Variants in CNTN6 observed in about 807,000 individuals in gnomAD.
CNTN6 encodes the protein contactin 6, also known as contactin-6.
Under a neutral mutation model 122.8 loss-of-function variants are expected in CNTN6, and 137 were observed. The observed-to-expected ratio is 1.12, with a 90% CI of 0.97 to 1.29. The LOEUF (loss-of-function observed/expected upper bound fraction) is 1.29. CNTN6 is among the 50% of genes most tolerant of loss of function. CNTN6 has a pLI of 0.00. For synonymous variants in CNTN6, 570 were observed against 426.0 expected (o/e 1.34, Z -4.16); for missense variants, 1,634 against 1,223.4 (o/e 1.34, Z -5.01).
At chr3:1,215,596 A>G (rs1286999464) in intron 2 of CNTN6, among the ~76,000 whole-genome samples, 1 of 152,118 alleles carries the variant, frequency 6.6e-6, no homozygotes, top group African/African-American at 2.4e-5. Context: ...CTTATTCTAT[A>G]GCATAAAACT....
intron 11 of CNTN6, among the ~76,000 whole-genome samples, chr3:1,343,718 A>C (rs155224): frequency 0.16 from 24,785 of 151,740 alleles, 2,133 homozygotes; most frequent in Middle Eastern, 0.22. Context: ...CTCTCTCTCT[A>C]TATATATATA....
intron 2 of CNTN6, among the ~76,000 whole-genome samples, chr3:1,205,202 T>G (rs763612672): frequency 1.3e-5 from 2 of 152,126 alleles, no homozygotes; most frequent in African/African-American, 4.8e-5. Context: ...GGAAACAGAT[T>G]TCACTCCAGA....
intron 7 of CNTN6, among the ~76,000 whole-genome samples, chr3:1,308,138 A>T (rs1375343425): frequency 6.6e-6 from 1 of 152,012 alleles, no homozygotes; most frequent in Non-Finnish European, 1.5e-5. Context: ...GTCAGTACTG[A>T]CTCACATATA....
intron 2 of CNTN6, among the ~76,000 whole-genome samples, chr3:1,163,022 T>C (rs1010336664): frequency 3.9e-5 from 6 of 152,180 alleles, no homozygotes; most frequent in Non-Finnish European, 8.8e-5. Flanking sequence ...TTGAAGACAA[T>C]GGAATTGTAA....
At chr3:1,376,441 T>G (rs1194234538) in intron 16 of CNTN6, among the ~76,000 whole-genome samples, 1 of 152,130 alleles carries the variant, frequency 6.6e-6, no homozygotes, top group African/African-American at 2.4e-5. Context: ...GAGAAAAACC[T>G]GACTTTGCAA....
intron 20 of CNTN6, among the ~76,000 whole-genome samples, chr3:1,387,910 T>C (rs1281182023): frequency 6.6e-6 from 1 of 152,038 alleles, no homozygotes; most frequent in Non-Finnish European, 1.5e-5. Context: ...CGGAGGGTCC[T>C]ACGCCCACGG....
chr3:1,290,741 T>C (rs1318402588), intron 5 of CNTN6, among the ~76,000 whole-genome samples: 1 of 152,232 alleles, frequency 6.6e-6, no homozygotes, highest in Admixed American at 6.5e-5. Context: ...ATATACCTCC[T>C]GGTTTTAGAC....
At chr3:1,250,430 C>T (rs1423576283) in intron 4 of CNTN6, among the ~76,000 whole-genome samples, 1 of 152,112 alleles carries the variant, frequency 6.6e-6, no homozygotes, top group Non-Finnish European at 1.5e-5. Context: ...ATTGTCCTCC[C>T]CTGAGCTCCA....
intron 1 of CNTN6, among the ~76,000 whole-genome samples, chr3:1,130,987 T>G (rs1174116063): frequency 6.6e-6 from 1 of 152,098 alleles, no homozygotes; most frequent in Non-Finnish European, 1.5e-5. Flanking sequence ...CATGGAATAT[T>G]AAGAATGGCA....
intron 4 of CNTN6, among the ~76,000 whole-genome samples, chr3:1,250,553 C>T (rs1011037459): frequency 1.3e-5 from 2 of 152,112 alleles, no homozygotes; most frequent in East Asian, 1.9e-4. Context: ...TCTGCTTTTA[C>T]GAGGTCTTGA....
At chr3:1,132,130 G>T (rs1014972636) in intron 1 of CNTN6, among the ~76,000 whole-genome samples, 2 of 152,106 alleles carry the variant, frequency 1.3e-5, no homozygotes, top group Non-Finnish European at 2.9e-5. Flanking sequence ...TCGACAAGCA[G>T]ATTGGGCCTG....
intron 20 of CNTN6, among the ~76,000 whole-genome samples, chr3:1,390,957 C>T: frequency 6.8e-6 from 1 of 147,670 alleles, no homozygotes; most frequent in African/African-American, 2.5e-5. Context: ...GGATTCACAG[C>T]CGAATTCTAC....
intron 9 of CNTN6, among the ~76,000 whole-genome samples, chr3:1,326,679 G>T (rs1376470810): frequency 1.3e-5 from 2 of 151,700 alleles, no homozygotes; most frequent in African/African-American, 4.8e-5. Flanking sequence ...ATTTTACTTT[G>T]CACATGTAGG....
chr3:1,212,101 C>T (rs1428331757), intron 2 of CNTN6, among the ~76,000 whole-genome samples: 3 of 151,842 alleles, frequency 2.0e-5, no homozygotes, highest in Non-Finnish European at 4.4e-5. Flanking sequence ...TTTTTAATTC[C>T]ATAGAAGATA....
chr3:1,106,905 G>A (rs903792295), intron 1 of CNTN6, among the ~76,000 whole-genome samples: 14 of 152,046 alleles, frequency 9.2e-5, no homozygotes, highest in South Asian at 2.1e-4. Context: ...ATAAAACAGC[G>A]TTGAGTTACT....
intron 1 of CNTN6, among the ~76,000 whole-genome samples, chr3:1,145,993 A>G (rs1019740466): frequency 1.5e-5 from 2 of 136,998 alleles, no homozygotes; most frequent in Non-Finnish European, 3.1e-5. Context: ...AGGCAGGAAG[A>G]CTATTCAGAG....
intron 7 of CNTN6, among the ~76,000 whole-genome samples, chr3:1,318,363 T>C (rs758466757): frequency 9.9e-5 from 15 of 151,890 alleles, no homozygotes; most frequent in Non-Finnish European, 1.5e-4. Flanking sequence ...TTCTCTAGAC[T>C]TCCATTTGGA....
rs114711123 is a variant in CNTN6 at position 1,163,496 on chromosome 3, C to A, written c.55+15433C>A. Among the ~76,000 whole-genome samples the A allele has an allele frequency of 2.6e-5, 4 of 152,306 alleles. No homozygotes were observed. The East Asian group carries it at 7.7e-4, about 29-fold the overall frequency. The stretch of plus-strand genomic sequence containing the variant: ...ACGCGATCATAGCTCACTACAGCCT[C>A]GAACCCCTGGGCTCAAGAGATCCTC... On this transcript the variant is annotated intron_variant, in intron 2 of 22. Coordinates refer to ENST00000446702, the MANE Select transcript of CNTN6 (RefSeq NM_001289080.2).
chr3:1,279,614 C>T (rs891937773), intron 5 of CNTN6, among the ~76,000 whole-genome samples: 2 of 152,188 alleles, frequency 1.3e-5, no homozygotes, highest in Admixed American at 6.5e-5. Flanking sequence ...AGTCTGGTTC[C>T]CAGACCCTCA....
Sources: allele counts gnomAD v4.1 joint callset (sites outside exome capture counted in the v4.1 genomes callset), GRCh38; gene constraint gnomAD v4.1.1; transcripts MANE v1.5; gene names NCBI Gene and HGNC (gene_info 2026-07-23, HGNC 2026-07-21).